TFCP2L1: variants seen among roughly 807,000 people sequenced by gnomAD.
The protein encoded by TFCP2L1 is transcription factor CP2 like 1.
Under a neutral mutation model 72.2 loss-of-function variants are expected in TFCP2L1, and 12 were observed. The ratio of observed to expected loss-of-function variants is 0.17; its 90% confidence interval spans 0.11 to 0.27. The LOEUF (loss-of-function observed/expected upper bound fraction) is 0.27. Ranked by LOEUF, TFCP2L1 falls within the 10% of genes least tolerant of loss-of-function variation. The probability of loss-of-function intolerance (pLI) is 1.00; values close to 1 mark genes in which losing one functional copy is unlikely to be tolerated. For missense variants in TFCP2L1, 488 were observed against 624.6 expected, an observed-to-expected ratio of 0.78 and a Z score of 2.33; for synonymous variants, 260 against 251.0, an observed-to-expected ratio of 1.04 and a Z score of -0.34.
At chr2:121,248,128 G>C (rs777997348) in intron 5 of TFCP2L1, 36 bp downstream of exon 5, 1 of 1,593,850 alleles carries the variant, frequency 6.3e-7, no homozygotes, top group East Asian at 2.2e-5. Flanking sequence ...CCAAAGACTA[G>C]GTCTTCCCCT....
rs372796485 is a variant in TFCP2L1, at chr2:121,249,660, T to C, written c.215-13A>G. On this transcript the variant is annotated splice_polypyrimidine_tract_variant and intron_variant, in intron 2 of 14. Coordinates refer to ENST00000263707, the MANE Select transcript of TFCP2L1 (RefSeq NM_014553.3). ...TCATAAGACTGACCTGGATGGGGGT[T>C]AAAAGGACATTTTCCATTTCTGAGT... is the stretch of plus-strand genomic sequence containing the variant. The C allele has an allele frequency of 8.9e-5, 144 of 1,613,638 alleles. No homozygotes were observed. Among genetic ancestry groups the C allele is most frequent in the Middle Eastern group, 3.3e-4 (2 of 6,080 alleles).
At chr2:121,246,011 T>C (rs1277568623) in intron 6 of TFCP2L1, among the ~76,000 whole-genome samples, 1 of 152,218 alleles carries the variant, frequency 6.6e-6, no homozygotes, top group African/African-American at 2.4e-5. Flanking sequence ...GCACCAGGGC[T>C]GGTTACTCAA....
chr2:121,273,535 G>A (rs989712141), intron 2 of TFCP2L1, among the ~76,000 whole-genome samples: 10 of 152,286 alleles, frequency 6.6e-5, no homozygotes, highest in South Asian at 4.2e-4. Flanking sequence ...CTAGCCACTC[G>A]GCTTGGTGAT....
Position 121,220,318 on chromosome 2 carries a change from G to C in TFCP2L1, c.*4023C>G, listed in dbSNP as rs750654903. ...GTTTAGGACCCCAAGTCAAAGCCTCGACCTCCCCACCCCATCCTGTCCTTT... is the reference window on the plus strand; with the variant it reads ...GTTTAGGACCCCAAGTCAAAGCCTCCACCTCCCCACCCCATCCTGTCCTTT... On this transcript the variant is annotated 3_prime_UTR_variant, in exon 15 of 15. Transcript: ENST00000263707. 1.3e-5 allele frequency: 2 copies of C among 152,240 alleles called. No homozygotes were observed. Among genetic ancestry groups the C allele is most frequent in the South Asian group, 2.1e-4 (1 of 4,826 alleles). 9.4% of individuals were successfully genotyped at this position (152,240 alleles called of 1,614,324 possible).
intron 2 of TFCP2L1, among the ~76,000 whole-genome samples, chr2:121,275,423 CAT>C: frequency 1.0e-5 from 1 of 97,914 alleles, no homozygotes; most frequent in South Asian, 3.2e-4. Flanking sequence ...AAAGAAATAA[CAT>C]GTAGACATTT....
chr2:121,238,109 C>T (rs966402043), intron 8 of TFCP2L1, among the ~76,000 whole-genome samples: 5 of 152,154 alleles, frequency 3.3e-5, no homozygotes, highest in Non-Finnish European at 7.3e-5. Context: ...ACTCCTCTAC[C>T]CTGAGTCACC....
intron 11 of TFCP2L1, among the ~76,000 whole-genome samples, chr2:121,234,486 G>A (rs1335547806): frequency 2.0e-5 from 3 of 152,180 alleles, no homozygotes; most frequent in Admixed American, 1.3e-4. Flanking sequence ...CAGAACATGC[G>A]TAACTCATTT....
At chr2:121,269,973 G>T (rs1187159699) in intron 2 of TFCP2L1, among the ~76,000 whole-genome samples, 4 of 147,746 alleles carry the variant, frequency 2.7e-5, no homozygotes, top group African/African-American at 5.0e-5. Flanking sequence ...GGAATGAAAT[G>T]AATGAAAAAG....
At chr2:121,259,143 A>G (rs1686784486) in intron 2 of TFCP2L1, among the ~76,000 whole-genome samples, 1 of 152,036 alleles carries the variant, frequency 6.6e-6, no homozygotes, top group South Asian at 2.1e-4. Context: ...GAAGCTTGGG[A>G]GGCTGGGAGT....
intron 1 of TFCP2L1, 23 bp from the exon 2 acceptor site, chr2:121,281,294 G>A (rs1013269476): frequency 6.4e-7 from 1 of 1,573,016 alleles, no homozygotes; most frequent in Non-Finnish European, 8.6e-7. Flanking sequence ...GGAAGCAGAG[G>A]TCAGGAGCAG....
At chr2:121,244,485 G>A (rs1686442053) in intron 6 of TFCP2L1, among the ~76,000 whole-genome samples, 1 of 152,148 alleles carries the variant, frequency 6.6e-6, no homozygotes, top group Non-Finnish European at 1.5e-5. Flanking sequence ...GTGACTAGGG[G>A]CCCTGCCACC....
chr2:121,264,221 AC>A lies in TFCP2L1; in HGVS notation c.215-14575del, dbSNP rs542192997. Among the ~76,000 whole-genome samples, 24 of 152,080 alleles carry A rather than the reference AC, an allele frequency of 1.6e-4. No homozygotes were observed. In the South Asian group the frequency reaches 4.8e-3, roughly 30 times the overall value. On this transcript the variant is annotated intron_variant, in intron 2 of 14. Transcript: ENST00000263707. ...CTGGCTTTCCACTTGCTCATATCCA[AC>A]CCCCACCACCTACCTGCTCCAGGCA...
intron 13 of TFCP2L1, among the ~76,000 whole-genome samples, chr2:121,230,209 T>G (rs1391546952): frequency 6.6e-6 from 1 of 152,168 alleles, no homozygotes; most frequent in Non-Finnish European, 1.5e-5. Context: ...TTCGCTTTTG[T>G]TGCCCAGGCT....
chr2:121,235,099 C>T (rs935600403), intron 11 of TFCP2L1, 122 bp downstream of exon 11: 5 of 983,298 alleles, frequency 5.1e-6, no homozygotes, highest in Admixed American at 2.0e-5. Flanking sequence ...TGACCCCACA[C>T]TGCAGGAGTC....
chr2:121,244,961 C>T (rs1351860079), intron 6 of TFCP2L1, among the ~76,000 whole-genome samples: 1 of 152,100 alleles, frequency 6.6e-6, no homozygotes. Context: ...GCTTGGTGGA[C>T]GTGGTCGGCA....
chr2:121,278,449 G>A (rs1399159950), intron 2 of TFCP2L1, among the ~76,000 whole-genome samples: 1 of 149,660 alleles, frequency 6.7e-6, no homozygotes, highest in Non-Finnish European at 1.5e-5. Context: ...ACTTTGGGAG[G>A]CTGAGGCAGG....
At chr2:121,259,268 A>G (rs1304051438) in intron 2 of TFCP2L1, among the ~76,000 whole-genome samples, 1 of 151,562 alleles carries the variant, frequency 6.6e-6, no homozygotes, top group Non-Finnish European at 1.5e-5. Context: ...GGGCAATAAG[A>G]GTGAAACTCT....
At chr2:121,244,736 GAACT>G (rs1216805805) in intron 6 of TFCP2L1, among the ~76,000 whole-genome samples, 1 of 152,214 alleles carries the variant, frequency 6.6e-6, no homozygotes, top group Non-Finnish European at 1.5e-5. Context: ...GAGAGCAGCA[GAACT>G]AACATGACAT....
intron 7 of TFCP2L1, chr2:121,240,721 G>A (rs1157480274): frequency 1.0e-6 from 1 of 985,260 alleles, no homozygotes; most frequent in East Asian, 1.1e-4. Context: ...AGGAGGTGGG[G>A]AACACTCTGG....
Sources: allele counts gnomAD v4.1 joint callset (sites outside exome capture counted in the v4.1 genomes callset), GRCh38; gene constraint gnomAD v4.1.1; transcripts MANE v1.5; gene names NCBI Gene and HGNC (gene_info 2026-07-23, HGNC 2026-07-21).